Variants in MACROD2 observed in about 807,000 individuals in gnomAD.
MACROD2 encodes mono-ADP ribosylhydrolase 2, also known as ADP-ribose glycohydrolase MACROD2.
Under a neutral mutation model 70.4 loss-of-function variants are expected in MACROD2, and 36 were observed. The observed-to-expected ratio is 0.51, with a 90% CI of 0.39 to 0.68. MACROD2 has a LOEUF of 0.68. MACROD2 is among the 30% of genes least tolerant of loss of function. The pLI is 0.00. For synonymous variants in MACROD2, 172 were observed against 178.8 expected, an observed-to-expected ratio of 0.96 and a Z score of 0.30; for missense variants, 496 against 538.4, an observed-to-expected ratio of 0.92 and a Z score of 0.78.
rs151137121 is a variant in MACROD2, at chr20:15,713,486, A to G, written c.646-149259A>G. On this transcript the variant is annotated intron_variant, in intron 8 of 17. Transcript: ENST00000684519. The stretch of plus-strand genomic sequence containing the variant: ...CTGAGAAAGCCTCAGGAAACTTACA[A>G]TCATGGCAGAATGCAAAAGGGAAGC... Among the ~76,000 whole-genome samples, 15 of 152,300 alleles carry G rather than the reference A, an allele frequency of 9.8e-5. No homozygotes were observed. In the East Asian group the frequency reaches 1.7e-3, roughly 18 times the overall value.
At chr20:14,148,702 A>G (rs1210924332) in intron 3 of MACROD2, among the ~76,000 whole-genome samples, 1 of 152,182 alleles carries the variant, frequency 6.6e-6, no homozygotes, top group Non-Finnish European at 1.5e-5. Context: ...CTGGTGTTGT[A>G]TTATGCAGAA....
intron 5 of MACROD2, among the ~76,000 whole-genome samples, chr20:14,811,502 T>A (rs2072710408): frequency 6.6e-6 from 1 of 152,098 alleles, no homozygotes; most frequent in Non-Finnish European, 1.5e-5. Context: ...GGCAATATCA[T>A]TCAGGACATA....
chr20:15,865,589 G>A (rs2064481264), intron 9 of MACROD2, among the ~76,000 whole-genome samples: 2 of 152,234 alleles, frequency 1.3e-5, no homozygotes, highest in South Asian at 2.1e-4. Context: ...CTTGAGAATG[G>A]CCATCAGCCA....
intron 15 of MACROD2, among the ~76,000 whole-genome samples, chr20:16,040,315 G>A (rs781208941): frequency 1.3e-4 from 20 of 151,704 alleles, no homozygotes; most frequent in Non-Finnish European, 2.2e-4. Context: ...TCATCAATAG[G>A]CACATGAAGT....
chr20:16,031,866 A>T (rs2067156319), intron 15 of MACROD2, among the ~76,000 whole-genome samples: 1 of 152,172 alleles, frequency 6.6e-6, no homozygotes, highest in Admixed American at 6.5e-5. Flanking sequence ...GAAAACTGAG[A>T]TGAGAGAGGG....
At chr20:15,101,262 G>A (rs1022450187) in intron 5 of MACROD2, among the ~76,000 whole-genome samples, 1 of 151,994 alleles carries the variant, frequency 6.6e-6, no homozygotes, top group Non-Finnish European at 1.5e-5. Context: ...CATGGAGACT[G>A]AGCCCTTTTT....
chr20:16,029,500 G>A (rs1054206174), intron 15 of MACROD2, among the ~76,000 whole-genome samples: 3 of 152,162 alleles, frequency 2.0e-5, no homozygotes, highest in African/African-American at 7.2e-5. Context: ...AAACAGGCAA[G>A]CAAGTATCAT....
chr20:14,224,455 C>G (rs1308733262), intron 3 of MACROD2, among the ~76,000 whole-genome samples: 1 of 152,198 alleles, frequency 6.6e-6, no homozygotes, highest in Non-Finnish European at 1.5e-5. Flanking sequence ...TTCCTATAAC[C>G]CTAAGCTCCA....
chr20:14,866,073 G>A (rs1366189834), intron 5 of MACROD2, among the ~76,000 whole-genome samples: 1 of 152,048 alleles, frequency 6.6e-6, no homozygotes, highest in Non-Finnish European at 1.5e-5. Context: ...CCTGGCAAAT[G>A]ATAGGCACAA....
Position 14,360,464 on chromosome 20 carries a change from A to T in MACROD2, c.272-133015A>T, listed in dbSNP as rs191680880. ...GGGAAGGTAGGCAGCAAATTGATAC[A>T]TTTCAGGTTCATTGTTCAACTTTCT... On this transcript the variant is annotated intron_variant, in intron 3 of 17. Coordinates refer to ENST00000684519, the MANE Select transcript of MACROD2 (RefSeq NM_001351661.2). Among the ~76,000 whole-genome samples the T allele has an allele frequency of 3.3e-3, 496 of 152,304 alleles. 1 individual carries two copies. The highest frequency in any genetic ancestry group is 5.1e-3 in the Non-Finnish European group (346 of 68,026).
chr20:15,036,966 TTA>T lies in MACROD2; in HGVS notation c.419-192972_419-192971del, dbSNP rs758305280. 7.9e-5 allele frequency among the ~76,000 whole-genome samples: 12 copies of T among 151,888 alleles called. No individual in the cohort carries two copies. The South Asian group carries it at 1.0e-3, about 13-fold the overall frequency. The stretch of plus-strand genomic sequence containing the variant: ...ATAATAGATAATTATAAAATAATCT[TTA>T]TGTGTTCTTTTAGAACTATAAAAAT... On this transcript the variant is annotated intron_variant, in intron 5 of 17. Transcript: ENST00000684519.
rs1601141946 is a variant in MACROD2, at chr20:15,149,193, C to T, written c.419-80747C>T. ...AGGGAAGGGAGGGGGCCTGAATAATCCCTGAGGAGTAGTAGAATAGCAGAT... is the reference window on the plus strand; with the variant it reads ...AGGGAAGGGAGGGGGCCTGAATAATTCCTGAGGAGTAGTAGAATAGCAGAT... On this transcript the variant is annotated intron_variant, in intron 5 of 17. Transcript: ENST00000684519. Among the ~76,000 whole-genome samples, 3 of 151,816 alleles carry T rather than the reference C, an allele frequency of 2.0e-5. No homozygotes were observed. The East Asian group carries it at 5.8e-4, about 29-fold the overall frequency.
chr20:16,034,825 C>T (rs145370357), intron 15 of MACROD2, among the ~76,000 whole-genome samples: 1 of 151,304 alleles, frequency 6.6e-6, no homozygotes, highest in Non-Finnish European at 1.5e-5. Context: ...TACTCTTCCC[C>T]CTAAGTCCCC....
chr20:15,826,356 T>C (rs561179591), intron 8 of MACROD2, among the ~76,000 whole-genome samples: 1 of 152,298 alleles, frequency 6.6e-6, no homozygotes, highest in Admixed American at 6.5e-5. Context: ...CCACATTTAC[T>C]GAAAACATAC....
At chr20:14,868,752 A>G (rs144253182) in intron 5 of MACROD2, among the ~76,000 whole-genome samples, 3 of 152,162 alleles carry the variant, frequency 2.0e-5, no homozygotes, top group Non-Finnish European at 4.4e-5. Flanking sequence ...CTCCTCCTCA[A>G]CTCAATAAAG....
chr20:15,924,711 A>G (rs1264836591), intron 10 of MACROD2, among the ~76,000 whole-genome samples: 1 of 152,202 alleles, frequency 6.6e-6, no homozygotes, highest in Non-Finnish European at 1.5e-5. Context: ...AAAGCTATAT[A>G]ACAGCTTTTG....
chr20:15,636,098 A>AAAAAAAAAAAAAAG (rs1555851926), intron 8 of MACROD2, among the ~76,000 whole-genome samples: 4 of 138,512 alleles, frequency 2.9e-5, no homozygotes, highest in Non-Finnish European at 6.2e-5. Flanking sequence ...AAAAAGAAAG[A>AAAAAAAAAAAAAAG]AAAGAAAAGA....
At chr20:14,302,680 G>A (rs1601452717) in intron 3 of MACROD2, among the ~76,000 whole-genome samples, 3 of 151,052 alleles carry the variant, frequency 2.0e-5, no homozygotes, top group East Asian at 3.9e-4. Flanking sequence ...TTTTTTAGAC[G>A]GAGTTTCACT....
At chr20:14,422,000 G>A (rs1306878759) in intron 3 of MACROD2, among the ~76,000 whole-genome samples, 2 of 151,978 alleles carry the variant, frequency 1.3e-5, no homozygotes, top group Non-Finnish European at 2.9e-5. Flanking sequence ...TTGAGTCTTC[G>A]ACTATTATCT....
Sources: allele counts gnomAD v4.1 joint callset (sites outside exome capture counted in the v4.1 genomes callset), GRCh38; gene constraint gnomAD v4.1.1; transcripts MANE v1.5; gene names NCBI Gene and HGNC (gene_info 2026-07-23, HGNC 2026-07-21).